Variants in TMEM163 observed in about 807,000 individuals in gnomAD.
The protein encoded by TMEM163 is transmembrane protein 163.
Under a neutral mutation model 29.3 loss-of-function variants are expected in TMEM163, and 17 were observed. That is an observed-to-expected ratio of 0.58 (90% CI 0.40 to 0.87). The LOEUF is 0.87. Ranked by LOEUF, TMEM163 falls within the 40% of genes least tolerant of loss-of-function variation. The pLI is 0.00. For synonymous variants in TMEM163, 157 were observed against 160.6 expected, an observed-to-expected ratio of 0.98 and a Z score of 0.17; for missense variants, 303 against 381.5, an observed-to-expected ratio of 0.79 and a Z score of 1.71.
At chr2:134,574,695 A>G (rs1681507638) in intron 2 of TMEM163, among the ~76,000 whole-genome samples, 1 of 152,230 alleles carries the variant, frequency 6.6e-6, no homozygotes, top group Non-Finnish European at 1.5e-5. Flanking sequence ...GGATGAAGAA[A>G]TTATCTGAAG....
chr2:134,464,157 A>T (rs1686611153), intron 6 of TMEM163, among the ~76,000 whole-genome samples: 1 of 152,244 alleles, frequency 6.6e-6, no homozygotes, highest in South Asian at 2.1e-4. Flanking sequence ...AGAAACCAAC[A>T]GCAGGCCCTG....
intron 2 of TMEM163, among the ~76,000 whole-genome samples, chr2:134,585,002 C>T (rs1220859537): frequency 6.6e-6 from 1 of 152,148 alleles, no homozygotes; most frequent in Admixed American, 6.5e-5. Context: ...TCATGGATGC[C>T]TGGGTATTCT....
intron 2 of TMEM163, among the ~76,000 whole-genome samples, chr2:134,584,064 T>G (rs1681756810): frequency 6.6e-6 from 1 of 152,194 alleles, no homozygotes; most frequent in African/African-American, 2.4e-5. Context: ...GCTGAATAGA[T>G]GGGCTACAAA....
chr2:134,457,772 G>A (rs1399461405), intron 7 of TMEM163, among the ~76,000 whole-genome samples: 1 of 152,204 alleles, frequency 6.6e-6, no homozygotes, highest in Non-Finnish European at 1.5e-5. Flanking sequence ...GGGTCCTAAA[G>A]GCATCAGATG....
At chr2:134,704,715 C>G (rs980218171) in intron 2 of TMEM163, among the ~76,000 whole-genome samples, 5 of 152,194 alleles carry the variant, frequency 3.3e-5, no homozygotes. Flanking sequence ...GGCTCCCCCA[C>G]GCTCTTCCCC....
At chr2:134,510,773 C>T (rs1198067865) in intron 4 of TMEM163, among the ~76,000 whole-genome samples, 1 of 152,190 alleles carries the variant, frequency 6.6e-6, no homozygotes, top group Non-Finnish European at 1.5e-5. Context: ...GTGAGATACA[C>T]TGACCTGAGC....
At chr2:134,505,426 G>A (rs1424134306) in intron 4 of TMEM163, among the ~76,000 whole-genome samples, 1 of 151,984 alleles carries the variant, frequency 6.6e-6, no homozygotes, top group African/African-American at 2.4e-5. Context: ...AGCTTCCACT[G>A]TGAGGTGACA....
At chr2:134,560,047 C>T (rs930247654) in intron 2 of TMEM163, among the ~76,000 whole-genome samples, 24 of 152,210 alleles carry the variant, frequency 1.6e-4, no homozygotes, top group African/African-American at 3.1e-4. Context: ...AGCCAGGCCA[C>T]GGCTCTTCAT....
At chr2:134,559,965 G>A (rs1681130864) in intron 2 of TMEM163, among the ~76,000 whole-genome samples, 1 of 152,064 alleles carries the variant, frequency 6.6e-6, no homozygotes, top group South Asian at 2.1e-4. Context: ...TCTGTTCTCT[G>A]ATCTCCTCTT....
intron 4 of TMEM163, among the ~76,000 whole-genome samples, chr2:134,542,712 G>T (rs1364832732): frequency 6.6e-6 from 1 of 152,124 alleles, no homozygotes; most frequent in African/African-American, 2.4e-5. Context: ...CAAAAGGGTT[G>T]GGGACCACTG....
chr2:134,661,228 G>A lies in TMEM163; in HGVS notation c.322+51972C>T, dbSNP rs920619197. ...AGGCATGTGATGCCTTCTGTCACTT[G>A]AGTATGCAGCAAGAGGTCCTTCGCC... On this transcript the variant is annotated intron_variant, in intron 2 of 7. Coordinates refer to ENST00000281924, the MANE Select transcript of TMEM163 (RefSeq NM_030923.5). Among the ~76,000 whole-genome samples the A allele has an allele frequency of 2.0e-5, 3 of 152,022 alleles. No homozygotes were observed. In the East Asian group the frequency reaches 5.8e-4, roughly 29 times the overall value.
chr2:134,577,726 T>TC (rs1182841795), intron 2 of TMEM163, among the ~76,000 whole-genome samples: 1 of 123,996 alleles, frequency 8.1e-6, no homozygotes, highest in Non-Finnish European at 1.7e-5. Flanking sequence ...CTTGGGAGCC[T>TC]CCGTGCCCAC....
At chr2:134,596,189 C>A (rs1259925172) in intron 2 of TMEM163, among the ~76,000 whole-genome samples, 1 of 152,048 alleles carries the variant, frequency 6.6e-6, no homozygotes, top group Non-Finnish European at 1.5e-5. Flanking sequence ...TCCTTGCCCA[C>A]GCCTATGTCC....
At position 134,675,000 on chromosome 2, in the gene TMEM163, T is replaced by G. The variant is rs76273732; in HGVS notation, c.322+38200A>C. On this transcript the variant is annotated intron_variant, in intron 2 of 7. Transcript: ENST00000281924. ...TACGTACATAATTTGCTATGGCAAG[T>G]GTACTCCCATGGCAAAGCTCATTTC... is the stretch of plus-strand genomic sequence containing the variant. Among the ~76,000 whole-genome samples, 579 of 152,378 alleles carry G rather than the reference T, an allele frequency of 3.8e-3. 4 individuals carry two copies. Among genetic ancestry groups the G allele is most frequent in the African/African-American group, 0.013 (534 of 41,590 alleles).
Position 134,718,837 on chromosome 2 carries a change from C to G in TMEM163, c.99G>C (p.Pro33=), listed in dbSNP as rs1044978443. 25 of 1,125,308 alleles carry G rather than the reference C, an allele frequency of 2.2e-5. No homozygotes were observed. The highest frequency in any genetic ancestry group is 2.7e-5 in the Non-Finnish European group (25 of 920,636). 69.7% of individuals were successfully genotyped at this position (1,125,308 alleles called of 1,614,324 possible). The change falls in exon 1 of 8, where the codon CCG becomes CCC. Residue 33 remains proline (P), a synonymous_variant. Coordinates refer to ENST00000281924, the MANE Select transcript of TMEM163 (RefSeq NM_030923.5). ...CGCGCACCGGGGAGCTCAGCGGGGC[C>G]GGGCCGGGGGCGGCAGCCGGTGGCG... is the stretch of plus-strand genomic sequence containing the variant. ...GHAPPAAAPG[P]APLSSPVREP... is the part of the protein sequence containing the mutation.
At chr2:134,713,019 C>T (rs1355302094) in intron 2 of TMEM163, among the ~76,000 whole-genome samples, 181 bp downstream of exon 2, 1 of 152,138 alleles carries the variant, frequency 6.6e-6, no homozygotes, top group African/African-American at 2.4e-5. Flanking sequence ...TTCTTACCAC[C>T]CTTTCCTATG....
At chr2:134,548,317 C>A (rs2106506509) in intron 4 of TMEM163, among the ~76,000 whole-genome samples, 1 of 152,122 alleles carries the variant, frequency 6.6e-6, no homozygotes, top group Middle Eastern at 3.4e-3. Flanking sequence ...AATACTTTTT[C>A]TCATTAAGTC....
chr2:134,458,328 GTC>G (rs1686448893), intron 6 of TMEM163, 155 bp from the exon 7 acceptor site: 2 of 810,182 alleles, frequency 2.5e-6, no homozygotes, highest in African/African-American at 1.7e-5. Flanking sequence ...GGCCCATCAA[GTC>G]TCTGCTCAAA....
intron 2 of TMEM163, among the ~76,000 whole-genome samples, chr2:134,705,903 T>C (rs1053118678): frequency 1.3e-5 from 2 of 152,172 alleles, no homozygotes; most frequent in African/African-American, 2.4e-5. Flanking sequence ...ACCCTGAGCA[T>C]GAGATGAGCC....
Sources: allele counts gnomAD v4.1 joint callset (sites outside exome capture counted in the v4.1 genomes callset), GRCh38; gene constraint gnomAD v4.1.1; transcripts MANE v1.5; gene names NCBI Gene and HGNC (gene_info 2026-07-23, HGNC 2026-07-21).